Variants in EIF1B observed in about 807,000 individuals in gnomAD.
EIF1B encodes the protein protein translation factor SUI1 homolog GC20.
Under a neutral mutation model 14.8 loss-of-function variants are expected in EIF1B, and 5 were observed. The observed-to-expected ratio is 0.34, with a 90% CI of 0.18 to 0.71. The LOEUF is 0.71. EIF1B is among the 30% of genes least tolerant of loss of function. EIF1B has a pLI of 0.64. For synonymous variants in EIF1B, 45 were observed against 45.8 expected, an observed-to-expected ratio of 0.98 and a Z score of 0.07; for missense variants, 56 against 134.0, an observed-to-expected ratio of 0.42 and a Z score of 2.87.
Position 40,309,853 on chromosome 3 carries a change from G to C in EIF1B, c.-89G>C. The C allele has an allele frequency of 6.7e-7, 1 of 1,482,606 alleles. No individual in the cohort carries two copies. Among genetic ancestry groups the C allele is most frequent in the Admixed American group, 1.7e-5 (1 of 58,818 alleles). 91.8% of individuals were successfully genotyped at this position (1,482,606 alleles called of 1,614,324 possible). Reference sequence around the variant, plus strand: ...GCGAAGCGTTTTCTTATTTATTTCCGTTTTCTCGCCACTACAGCCTCCTGA... The same window carrying C: ...GCGAAGCGTTTTCTTATTTATTTCCCTTTTCTCGCCACTACAGCCTCCTGA... On this transcript the variant is annotated 5_prime_UTR_variant, in exon 1 of 4. Coordinates refer to ENST00000232905, the MANE Select transcript of EIF1B (RefSeq NM_005875.3).
Position 40,311,544 on chromosome 3 carries a change from A to G in EIF1B, c.270A>G (p.Arg90=). 6.2e-7 allele frequency: 1 copy of G among 1,613,826 alleles called. No homozygotes were observed. Among genetic ancestry groups the G allele is most frequent in the Non-Finnish European group, 8.5e-7 (1 of 1,179,854 alleles). Residue 90 remains arginine, a synonymous_variant, in exon 3 of 4, where the codon AGA becomes AGG. Coordinates refer to ENST00000232905, the MANE Select transcript of EIF1B (RefSeq NM_005875.3). ...GEVIQLQGDQ[R]KNICQFLLEV... is the part of the protein sequence containing the mutation. ...TTATTCAGCTTCAAGGTGACCAAAGAAAAAACATCTGCCAGTTTCTCTTGG... is the reference window on the plus strand; with the variant it reads ...TTATTCAGCTTCAAGGTGACCAAAGGAAAAACATCTGCCAGTTTCTCTTGG...
intron 1 of EIF1B, 110 bp downstream of exon 1, chr3:40,310,082 A>C: frequency 6.9e-7 from 1 of 1,441,674 alleles, no homozygotes; most frequent in Non-Finnish European, 9.6e-7. Flanking sequence ...CCGCACCCCT[A>C]GTGGGGCTTT....
chr3:40,312,147 T>A lies in EIF1B; in HGVS notation c.*133T>A. 1 of 693,108 alleles carries A rather than the reference T, an allele frequency of 1.4e-6. No homozygotes were observed. The highest frequency in any genetic ancestry group is 2.5e-6 in the Non-Finnish European group (1 of 393,038). 42.9% of individuals were successfully genotyped at this position (693,108 alleles called of 1,614,324 possible). A position where few individuals can be genotyped will look rare whatever the true frequency, so the allele number is the denominator to read the frequency against. On this transcript the variant is annotated 3_prime_UTR_variant, in exon 4 of 4. Transcript: ENST00000232905. The stretch of plus-strand genomic sequence containing the variant: ...AATCATTCAAACTTCCATTCACATC[T>A]GCATGATTACAGAAAACATGGGGTA...
chr3:40,311,935 AG>A, intron 3 of EIF1B, 34 bp from the exon 4 acceptor site: 2 of 528,804 alleles, frequency 3.8e-6, no homozygotes, highest in South Asian at 5.1e-5. Flanking sequence ...TATATTTCTC[AG>A]AGTTATTTTG....
Position 40,309,739 on chromosome 3 carries a change from C to G in EIF1B, c.-203C>G, listed in dbSNP as rs889363457. The G allele has an allele frequency of 1.3e-5, 8 of 598,456 alleles. No homozygotes were observed. The highest frequency in any genetic ancestry group is 1.1e-4 in the African/African-American group (6 of 53,440). 37.1% of individuals were successfully genotyped at this position (598,456 alleles called of 1,614,324 possible). ...CGCAGCGCCGCCTCTTCTCTCGCGC[C>G]CTCGCCTCTTCCTCCGCCTCCTCCT... On this transcript the variant is annotated 5_prime_UTR_variant, in exon 1 of 4. Coordinates refer to ENST00000232905, the MANE Select transcript of EIF1B (RefSeq NM_005875.3).
In EIF1B at chr3:40,312,356, C is replaced by T. The variant is rs912957161; in HGVS notation, c.*342C>T. ...TTGCAGCTTAACAATAAAAAAAAAT[C>T]TATGAATCTTTGTGAGCAATTATGC... On this transcript the variant is annotated 3_prime_UTR_variant, in exon 4 of 4. Transcript: ENST00000232905. The T allele has an allele frequency of 7.7e-5, 15 of 195,298 alleles. No homozygotes were observed. Among genetic ancestry groups the T allele is most frequent in the African/African-American group, 3.6e-4 (15 of 41,896 alleles). The allele number at this position is 195,298 out of a possible 1,614,324, so 12.1% of individuals were successfully genotyped here. A position where few individuals can be genotyped will look rare whatever the true frequency, so the allele number is the denominator to read the frequency against.
At chr3:40,311,098 A>G (rs1954320267) in intron 2 of EIF1B, 42 bp downstream of exon 2, 2 of 1,569,656 alleles carry the variant, frequency 1.3e-6, no homozygotes, top group African/African-American at 1.4e-5. Flanking sequence ...ACTGATGCAC[A>G]CCTCTGAACT....
At chr3:40,311,797 A>G (rs1954329657) in intron 3 of EIF1B, 173 bp from the exon 4 acceptor site, 1 of 676,386 alleles carries the variant, frequency 1.5e-6, no homozygotes, top group East Asian at 2.7e-5. Flanking sequence ...ATTTCTTGGC[A>G]TGTAAAGTAT....
chr3:40,309,862 C>T lies in EIF1B; in HGVS notation c.-80C>T. On this transcript the variant is annotated 5_prime_UTR_variant, in exon 1 of 4. Coordinates refer to ENST00000232905, the MANE Select transcript of EIF1B (RefSeq NM_005875.3). ...TTTCTTATTTATTTCCGTTTTCTCG[C>T]CACTACAGCCTCCTGACAAGGTGAT... The T allele has an allele frequency of 6.6e-7, 1 of 1,516,082 alleles. No individual in the cohort carries two copies. Among genetic ancestry groups the T allele is most frequent in the Non-Finnish European group, 9.1e-7 (1 of 1,092,910 alleles). 93.9% of individuals were successfully genotyped at this position (1,516,082 alleles called of 1,614,324 possible).
rs1954302077 is a variant in EIF1B at position 40,309,811 on chromosome 3, C to T, written c.-131C>T. 6.0e-6 allele frequency: 7 copies of T among 1,164,518 alleles called. No homozygotes were observed. In the Admixed American group the frequency reaches 7.2e-5, roughly 12 times the overall value. 72.1% of individuals were successfully genotyped at this position (1,164,518 alleles called of 1,614,324 possible). A position where few individuals can be genotyped will look rare whatever the true frequency, so the allele number is the denominator to read the frequency against. On this transcript the variant is annotated 5_prime_UTR_variant, in exon 1 of 4. Coordinates refer to ENST00000232905, the MANE Select transcript of EIF1B (RefSeq NM_005875.3). Reference sequence around the variant, plus strand: ...CGGCTTCCGCCGCCGCCACTCCAGCCTAATCCCAACCCCAGGGCGAAGCGT... The same window carrying T: ...CGGCTTCCGCCGCCGCCACTCCAGCTTAATCCCAACCCCAGGGCGAAGCGT...
chr3:40,310,080 C>T (rs1954305448), intron 1 of EIF1B, 108 bp downstream of exon 1: 15 of 1,446,676 alleles, frequency 1.0e-5, no homozygotes, highest in Non-Finnish European at 1.4e-5. Context: ...TCCCGCACCC[C>T]TAGTGGGGCT....
chr3:40,310,991 C>T lies in EIF1B; in HGVS notation c.130C>T (p.Leu44=). 1.9e-6 allele frequency: 3 copies of T among 1,613,892 alleles called. No individual in the cohort carries two copies. The highest frequency in any genetic ancestry group is 1.7e-6 in the Non-Finnish European group (2 of 1,179,978). ...CCAGCAACGGAACGGCAGAAAGACA[C>T]TGACTACTGTTCAGGGCATTGCAGA... ...RIQQRNGRKT[L]TTVQGIADDY... is the part of the protein sequence containing the mutation. Residue 44 remains leucine, a synonymous_variant, in exon 2 of 4, where the codon CTG becomes TTG. Transcript: ENST00000232905.
At chr3:40,310,308 A>G (rs559969538) in intron 1 of EIF1B, among the ~76,000 whole-genome samples, 18 of 152,312 alleles carry the variant, frequency 1.2e-4, no homozygotes, top group Non-Finnish European at 2.1e-4. Context: ...TGCAAAGGGT[A>G]TGCCGGGCCA....
rs1253672365 is a variant in EIF1B at position 40,312,390 on chromosome 3, C to T, written c.*376C>T. The T allele has an allele frequency of 1.6e-5, 3 of 184,974 alleles. No homozygotes were observed. The highest frequency in any genetic ancestry group is 4.8e-5 in the African/African-American group (2 of 41,858). The allele number at this position is 184,974 out of a possible 1,614,324, so 11.5% of individuals were successfully genotyped here. The stretch of plus-strand genomic sequence containing the variant: ...TTTGTGAGCAATTATGCTCCCAAAT[C>T]TAAGCAAGTAAAATACACATTTTGT... On this transcript the variant is annotated 3_prime_UTR_variant, in exon 4 of 4. Coordinates refer to ENST00000232905, the MANE Select transcript of EIF1B (RefSeq NM_005875.3).
chr3:40,311,604 A>C, intron 3 of EIF1B, 33 bp downstream of exon 3: 1 of 1,516,620 alleles, frequency 6.6e-7, no homozygotes, highest in Non-Finnish European at 9.1e-7. Context: ...TGTAACCTTG[A>C]GATTGCTTTT....
At position 40,312,384 on chromosome 3, in the gene EIF1B, C is replaced by T. The variant is rs1954336022; in HGVS notation, c.*370C>T. 1 of 187,418 alleles carries T rather than the reference C, an allele frequency of 5.3e-6. No homozygotes were observed. The highest frequency in any genetic ancestry group is 2.4e-5 in the African/African-American group (1 of 41,954). 11.6% of individuals were successfully genotyped at this position (187,418 alleles called of 1,614,324 possible). ...TGAATCTTTGTGAGCAATTATGCTC[C>T]CAAATCTAAGCAAGTAAAATACACA... On this transcript the variant is annotated 3_prime_UTR_variant, in exon 4 of 4. Coordinates refer to ENST00000232905, the MANE Select transcript of EIF1B (RefSeq NM_005875.3).
intron 1 of EIF1B, 66 bp downstream of exon 1, chr3:40,310,038 G>A: frequency 6.2e-7 from 1 of 1,602,218 alleles, no homozygotes; most frequent in South Asian, 1.1e-5. Flanking sequence ...TGCCCGCCTG[G>A]CCACCGCCCC....
At chr3:40,311,930 TTCTC>T (rs1306120191) in intron 3 of EIF1B, 36 bp from the exon 4 acceptor site, 1 of 1,386,658 alleles carries the variant, frequency 7.2e-7, no homozygotes, top group African/African-American at 1.6e-5. Flanking sequence ...ATTTTTATAT[TTCTC>T]AGAGTTATTT....
At chr3:40,311,653 A>G (rs561800425) in intron 3 of EIF1B, 82 bp downstream of exon 3, 84 of 1,161,596 alleles carry the variant, frequency 7.2e-5, no homozygotes, top group Middle Eastern at 1.9e-4. Context: ...GTTTTCTACT[A>G]AGTAAAAAAT....
Sources: gnomAD v4.1 joint callset for allele counts (sites outside exome capture counted in the v4.1 genomes callset) on GRCh38, gnomAD v4.1.1 for gene constraint, MANE v1.5 for transcripts, NCBI Gene and HGNC (gene_info 2026-07-23, HGNC 2026-07-21) for gene names.